MYO7B: variants seen among roughly 807,000 people sequenced by gnomAD.
The protein encoded by MYO7B is myosin VIIB, also known as unconventional myosin-VIIb.
In MYO7B, 212 loss-of-function variants were observed where a neutral mutation model predicts 259.7. The ratio of observed to expected loss-of-function variants is 0.82; its 90% CI spans 0.73 to 0.91. MYO7B has a LOEUF of 0.91. Ranked by LOEUF, MYO7B falls within the 40% of genes least tolerant of loss-of-function variation. The pLI, the probability that MYO7B is intolerant of heterozygous loss-of-function variation, is 0.00. For missense variants in MYO7B, 2,732 were observed against 2,813.5 expected (o/e 0.97, Z 0.66); for synonymous variants, 1,197 against 1,166.4 (o/e 1.03, Z -0.54).
chr2:127,543,799 C>G (rs1693105087), intron 1 of MYO7B, among the ~76,000 whole-genome samples: 1 of 151,730 alleles, frequency 6.6e-6, no homozygotes, highest in South Asian at 2.1e-4. Flanking sequence ...GGCTGGAGTG[C>G]AGTGGCGCGA....
Position 127,628,183 on chromosome 2 carries a change from G to T in MYO7B, c.4461-189G>T. On this transcript the variant is annotated intron_variant, in intron 33 of 47. Transcript: ENST00000409816. This position sits in a 1 kb window ranked among gnomAD's most constrained non-coding sequence, Gnocchi z 4.8. ...CTGCACCACTCTCAGCCTCCGAGAG[G>T]TCCTGTGCTCCGCCGTCCTTCATTT... 1 of 742,070 alleles carries T rather than the reference G, an allele frequency of 1.3e-6. No individual in the cohort carries two copies. The allele number at this position is 742,070 out of a possible 1,614,324, so 46.0% of individuals were successfully genotyped here.
At chr2:127,561,355 T>C (rs577974553) in intron 2 of MYO7B, among the ~76,000 whole-genome samples, 1 of 151,334 alleles carries the variant, frequency 6.6e-6, no homozygotes, top group South Asian at 2.1e-4. Context: ...GCCTCCCAGG[T>C]TCAAGCAATC....
At chr2:127,565,654 G>T (rs1385241296) in intron 4 of MYO7B, among the ~76,000 whole-genome samples, 2 of 152,232 alleles carry the variant, frequency 1.3e-5, no homozygotes, top group Non-Finnish European at 2.9e-5. Flanking sequence ...TGGCCATCAG[G>T]TGGCCATCAT....
chr2:127,539,697 C>A lies in MYO7B; in HGVS notation c.-24+3866C>A, dbSNP rs7583571. Among the ~76,000 whole-genome samples, 45,521 of 151,900 alleles carry A rather than the reference C, an allele frequency of 0.3. 8,118 individuals carry two copies. Among genetic ancestry groups the A allele is most frequent in the African/African-American group, 0.49 (20,085 of 41,380 alleles). On this transcript the variant is annotated intron_variant, in intron 1 of 47. Transcript: ENST00000409816. This position sits in a 1 kb window ranked among gnomAD's most constrained non-coding sequence, Gnocchi z 4.0. ...CTATTTCTTTTAAAAAAAAAAACTC[C>A]ATAGTTTTTAAGGTACAGGTGTTTT...
intron 14 of MYO7B, among the ~76,000 whole-genome samples, chr2:127,587,957 C>T (rs930252160): frequency 6.6e-6 from 1 of 152,226 alleles, no homozygotes; most frequent in Non-Finnish European, 1.5e-5. Flanking sequence ...CTTAAAGGCC[C>T]TATGTCCACA....
rs948320069 is a variant in MYO7B at position 127,627,076 on chromosome 2, A to G, written c.4317A>G (p.Glu1439=). ...QWPLLFSRLF[E]VITLSGPRLP... ...CGCTGCTCTTCTCCCGGCTCTTCGA[A>G]GTCATCACACTCTCAGGTAATGGCA... Residue 1439 remains glutamate, a synonymous_variant, in exon 32 of 48, where the codon GAA becomes GAG. Transcript: ENST00000409816. The surrounding 1 kb of genome is among the most constrained non-coding windows in gnomAD (Gnocchi z 5.6). 2 of 1,611,244 alleles carry G rather than the reference A, an allele frequency of 1.2e-6. No individual in the cohort carries two copies. Among genetic ancestry groups the G allele is most frequent in the Non-Finnish European group, 8.5e-7 (1 of 1,179,140 alleles).
Position 127,620,455 on chromosome 2 carries a change from AG to A in MYO7B, c.3516del (p.Arg1172SerfsTer3). ...CCTCGGCTGCTTCCCACCCTCAGAG[AG>A]GTTCATGAAGGTGAGAGGGTTCATG... is the stretch of plus-strand genomic sequence containing the variant. The part of the protein sequence containing the change: ...LCLGCFPPSE[R>X]FMKYLLNFIG... On this transcript the variant is annotated frameshift_variant, in exon 27 of 48. Transcript: ENST00000409816. LOFTEE classifies it high-confidence loss of function. 8.0e-7 allele frequency: 1 copy of A among 1,257,394 alleles called. No individual in the cohort carries two copies. Among genetic ancestry groups the A allele is most frequent in the Non-Finnish European group, 1.1e-6 (1 of 936,222 alleles). The allele number at this position is 1,257,394 out of a possible 1,614,324, so 77.9% of individuals were successfully genotyped here.
intron 19 of MYO7B, among the ~76,000 whole-genome samples, chr2:127,599,934 TG>T (rs1382657303): frequency 6.6e-6 from 1 of 152,238 alleles, no homozygotes; most frequent in Non-Finnish European, 1.5e-5. Flanking sequence ...TAAGGATTTT[TG>T]CGTCTATATT....
chr2:127,637,420 G>T lies in MYO7B; in HGVS notation c.*3G>T. Reference sequence around the variant, plus strand: ...CCCCAGCCCTGGCCAGCACCTAGCAGCGGATGCTGGCGTGTCTGCTCAGGC... The same window carrying T: ...CCCCAGCCCTGGCCAGCACCTAGCATCGGATGCTGGCGTGTCTGCTCAGGC... On this transcript the variant is annotated 3_prime_UTR_variant, in exon 48 of 48. Coordinates refer to ENST00000409816, the MANE Select transcript of MYO7B (RefSeq NM_001393586.1). 1.3e-6 allele frequency: 2 copies of T among 1,507,056 alleles called. No individual in the cohort carries two copies. The highest frequency in any genetic ancestry group is 1.8e-6 in the Non-Finnish European group (2 of 1,126,228). 93.4% of individuals were successfully genotyped at this position (1,507,056 alleles called of 1,614,324 possible). A position where few individuals can be genotyped will look rare whatever the true frequency, so the allele number is the denominator to read the frequency against.
rs570404120 is a variant in MYO7B, at chr2:127,625,474, A to G, written c.4154A>G (p.Lys1385Arg). ...CTGCTGCCCAGCTGCATCCCCCACA[A>G]GCTGTACAGGACCAAGCCCCCAGAC... ...QELLPSCIPH[K>R]LYRTKPPDRW... The change falls in exon 31 of 48, where the codon AAG becomes AGG. Residue 1385 changes from lysine (K) to arginine (R), a missense_variant. Lys to Arg is a conservative substitution (Grantham distance 26). Around this residue, in one of 3 missense-constraint regions of MYO7B, gnomAD observed 1,906 missense variants for 2,026.4 expected, o/e 0.94. Coordinates refer to ENST00000409816, the MANE Select transcript of MYO7B (RefSeq NM_001393586.1). The G allele has an allele frequency of 3.5e-5, 56 of 1,612,450 alleles. No individual in the cohort carries two copies. The South Asian group carries it at 4.9e-4, about 14-fold the overall frequency.
In MYO7B at chr2:127,623,243, G is replaced by T; in HGVS notation, c.3687G>T (p.Leu1229Phe). The T allele has an allele frequency of 6.2e-7, 1 of 1,613,650 alleles. No homozygotes were observed. Among genetic ancestry groups the T allele is most frequent in the East Asian group, 2.2e-5 (1 of 44,878 alleles). ...SKKHIPIQVI[L>F]ATGESLTVPV... ...AGCACATCCCCATCCAAGTCATCTT[G>T]GCCACTGGAGAGAGCCTAACCGTCC... The change falls in exon 29 of 48, where the codon TTG (leucine) becomes TTT (phenylalanine). Residue 1229 changes from leucine (L) to phenylalanine (F), a missense_variant. By Grantham distance (22) the Leu-to-Phe change is conservative. Around this residue, in one of 3 missense-constraint regions of MYO7B, gnomAD observed 1,906 missense variants for 2,026.4 expected, o/e 0.94. Transcript: ENST00000409816.
intron 6 of MYO7B, among the ~76,000 whole-genome samples, chr2:127,572,603 TTC>T (rs1358613996): frequency 6.6e-6 from 1 of 151,420 alleles, no homozygotes; most frequent in African/African-American, 2.4e-5. Flanking sequence ...CTTTTTCTCC[TTC>T]TCTCTTTGTT....
chr2:127,536,506 A>G (rs1692785872), intron 1 of MYO7B, among the ~76,000 whole-genome samples: 1 of 150,608 alleles, frequency 6.6e-6, no homozygotes, highest in African/African-American at 2.5e-5. Flanking sequence ...GAGGAGAGGG[A>G]CCGCACCGGG....
In MYO7B at chr2:127,636,093, A is replaced by C; in HGVS notation, c.6007-115A>C. 6 of 1,096,942 alleles carry C rather than the reference A, an allele frequency of 5.5e-6. No homozygotes were observed. The highest frequency in any genetic ancestry group is 6.6e-6 in the Non-Finnish European group (5 of 753,636). 68.0% of individuals were successfully genotyped at this position (1,096,942 alleles called of 1,614,324 possible). On this transcript the variant is annotated intron_variant, in intron 44 of 47. Transcript: ENST00000409816. This position sits in a 1 kb window ranked among gnomAD's most constrained non-coding sequence, Gnocchi z 4.5. ...CAGCACCGAGACTGTCCCATGCTGC[A>C]TTCCTCCCCTCCCCTCCCCACCGTA...
At chr2:127,637,154 A>C (rs1681881288) in intron 47 of MYO7B, 162 bp from the exon 48 acceptor site, 1 of 888,594 alleles carries the variant, frequency 1.1e-6, no homozygotes. Flanking sequence ...ACCCAGCTCC[A>C]GCAGGGCAAG....
chr2:127,629,049 A>G (rs1328223004), intron 34 of MYO7B, among the ~76,000 whole-genome samples: 1 of 152,126 alleles, frequency 6.6e-6, no homozygotes, highest in Non-Finnish European at 1.5e-5. Flanking sequence ...AGCATGGCAA[A>G]GCCCCAGGAC....
At chr2:127,547,979 C>G (rs895784217) in intron 1 of MYO7B, among the ~76,000 whole-genome samples, 2 of 152,178 alleles carry the variant, frequency 1.3e-5, no homozygotes, top group African/African-American at 4.8e-5. Context: ...GGTTGCCAAT[C>G]ATTGATTCAG....
In MYO7B at chr2:127,631,775, C is replaced by G. The variant is rs2105133985; in HGVS notation, c.5249+22C>G. 3 of 1,607,138 alleles carry G rather than the reference C, an allele frequency of 1.9e-6. No individual in the cohort carries two copies. In the East Asian group the frequency reaches 6.7e-5, roughly 36 times the overall value. Reference sequence around the variant, plus strand: ...ACAGGTCTGCTGGGGCGGCGGCCAGCCCACGCGGGCACCCTCAGTCCTCAT... The same window carrying G: ...ACAGGTCTGCTGGGGCGGCGGCCAGGCCACGCGGGCACCCTCAGTCCTCAT... On this transcript the variant is annotated intron_variant, in intron 38 of 47. Transcript: ENST00000409816.
At chr2:127,550,557 C>G (rs1177700950) in intron 1 of MYO7B, among the ~76,000 whole-genome samples, 1 of 45,558 alleles carries the variant, frequency 2.2e-5, no homozygotes, top group African/African-American at 1.3e-4. Flanking sequence ...GACTCTGTCT[C>G]CAAAAAAAAA....
Sources: allele counts gnomAD v4.1 joint callset (sites outside exome capture counted in the v4.1 genomes callset), GRCh38; gene constraint gnomAD v4.1.1; regional missense constraint gnomAD v4.1.1; non-coding constraint Gnocchi (gnomAD v3.1); transcripts MANE v1.5; gene names NCBI Gene and HGNC (gene_info 2026-07-23, HGNC 2026-07-21).